ADAD1: variants seen among roughly 807,000 people sequenced by gnomAD.
ADAD1 encodes the protein adenosine deaminase domain containing 1, also known as adenosine deaminase domain-containing protein 1.
Under a neutral mutation model 66.8 loss-of-function variants are expected in ADAD1, and 46 were observed. The observed-to-expected ratio is 0.69, with a 90% CI of 0.54 to 0.88. The LOEUF (loss-of-function observed/expected upper bound fraction) is 0.88. ADAD1 is among the 40% of genes least tolerant of loss of function. ADAD1 has a pLI of 0.00. For synonymous variants in ADAD1, 248 were observed against 229.4 expected (o/e 1.08, Z -0.73); for missense variants, 617 against 681.8 (o/e 0.91, Z 1.06).
chr4:122,420,959 T>G (rs55896948), intron 11 of ADAD1, among the ~76,000 whole-genome samples: 45,935 of 152,096 alleles, frequency 0.3, 7,813 homozygotes, highest in East Asian at 0.48. Context: ...AGTGAATCCC[T>G]CATAGAACTG....
chr4:122,429,760 A>T lies in ADAD1; in HGVS notation c.*21A>T. On this transcript the variant is annotated 3_prime_UTR_variant, in exon 13 of 13. Transcript: ENST00000296513. ...TGTGAAATAGGCAATCCATTATCAC[A>T]TTAAAAATCTTGTTTTGTTTGGTGT... is the stretch of plus-strand genomic sequence containing the variant. 2 of 1,506,180 alleles carry T rather than the reference A, an allele frequency of 1.3e-6. No homozygotes were observed. Among genetic ancestry groups the T allele is most frequent in the Non-Finnish European group, 1.8e-6 (2 of 1,091,814 alleles). The allele number at this position is 1,506,180 out of a possible 1,614,324, so 93.3% of individuals were successfully genotyped here. A position where few individuals can be genotyped will look rare whatever the true frequency, so the allele number is the denominator to read the frequency against.
chr4:122,423,723 A>G (rs1476817474), intron 12 of ADAD1, among the ~76,000 whole-genome samples: 3 of 151,964 alleles, frequency 2.0e-5, no homozygotes, highest in South Asian at 4.1e-4. Flanking sequence ...TTGAGAGCCC[A>G]GATACAATAA....
chr4:122,422,956 TAAAA>T (rs537676034), intron 12 of ADAD1, among the ~76,000 whole-genome samples: 2 of 97,198 alleles, frequency 2.1e-5, no homozygotes, highest in Non-Finnish European at 2.0e-5. Context: ...TATTTCTCTT[TAAAA>T]AAAAAAAAAA....
In ADAD1 at chr4:122,412,686, G is replaced by GGT; in HGVS notation, c.1129_1130dup (p.Asn378LeufsTer4). On this transcript the variant is annotated frameshift_variant, in exon 10 of 13. Transcript: ENST00000296513. LOFTEE classifies it high-confidence loss of function. ...TCTGACTGTTTACTGTCCTAAAGAT[G>GGT]GTGTTAATAGAATAAGCAGTATGTC... The GGT allele has an allele frequency of 6.2e-7, 1 of 1,613,878 alleles. No individual in the cohort carries two copies. Among genetic ancestry groups the GGT allele is most frequent in the Non-Finnish European group, 8.5e-7 (1 of 1,179,832 alleles).
intron 6 of ADAD1, 124 bp from the exon 7 acceptor site, chr4:122,396,128 T>C (rs950526952): frequency 2.5e-6 from 2 of 786,440 alleles, no homozygotes. Context: ...ACCTAAATTA[T>C]AAATTTGCTT....
At chr4:122,397,380 A>G (rs1795766335) in intron 7 of ADAD1, among the ~76,000 whole-genome samples, 1 of 152,194 alleles carries the variant, frequency 6.6e-6, no homozygotes, top group Admixed American at 6.5e-5. Flanking sequence ...CAAATTATAT[A>G]CTTAACGTCT....
At chr4:122,405,631 T>C (rs1479984701) in intron 7 of ADAD1, among the ~76,000 whole-genome samples, 1 of 152,180 alleles carries the variant, frequency 6.6e-6, no homozygotes, top group Non-Finnish European at 1.5e-5. Context: ...ATTTCAAATA[T>C]ACAATACATT....
intron 7 of ADAD1, among the ~76,000 whole-genome samples, chr4:122,407,151 G>A (rs1796250885): frequency 6.6e-6 from 1 of 152,110 alleles, no homozygotes; most frequent in Admixed American, 6.5e-5. Context: ...AGGCGGTTGT[G>A]AATGTAGAAC....
chr4:122,389,963 TATA>T (rs1795357384), intron 5 of ADAD1, among the ~76,000 whole-genome samples: 1 of 152,224 alleles, frequency 6.6e-6, no homozygotes, highest in Admixed American at 6.5e-5. Flanking sequence ...CATTGGTCTT[TATA>T]TTTTGGTGTG....
At chr4:122,423,556 A>T (rs556634720) in intron 12 of ADAD1, among the ~76,000 whole-genome samples, 14 of 152,320 alleles carry the variant, frequency 9.2e-5, no homozygotes, top group African/African-American at 3.4e-4. Flanking sequence ...TAATGTGTTG[A>T]TTTCTTATTA....
intron 12 of ADAD1, among the ~76,000 whole-genome samples, chr4:122,428,383 A>G (rs1797351913): frequency 6.6e-6 from 1 of 152,202 alleles, no homozygotes; most frequent in Non-Finnish European, 1.5e-5. Flanking sequence ...CACTTTGGAA[A>G]ACAGTTTGGC....
Position 122,380,174 on chromosome 4 carries a change from A to G in ADAD1, c.105A>G (p.Thr35=), listed in dbSNP as rs1263716328. ...AACCAGCGACAAAGACGATAACTAC[A>G]CCCACAGGATGGTCCTCAGAAAGTT... is the stretch of plus-strand genomic sequence containing the variant. ...PVQPATKTIT[T]PTGWSSESYG... The change falls in exon 3 of 13, where the codon ACA becomes ACG. Residue 35 remains threonine, a synonymous_variant. Coordinates refer to ENST00000296513, the MANE Select transcript of ADAD1 (RefSeq NM_139243.4). The G allele has an allele frequency of 6.2e-7, 1 of 1,614,140 alleles. No homozygotes were observed.
chr4:122,411,339 T>A lies in ADAD1; in HGVS notation c.966T>A (p.Ile322=). The change falls in exon 9 of 13, where the codon ATT becomes ATA. Residue 322 remains isoleucine, a synonymous_variant. Coordinates refer to ENST00000296513, the MANE Select transcript of ADAD1 (RefSeq NM_139243.4). ...NLLTLKQNIN[I]CLYMNQLPKG... ...TCACTCTTAAACAGAATATCAACAT[T>A]TGCCTTTACATGAACCAGTTGCCTA... 6.2e-7 allele frequency: 1 copy of A among 1,613,382 alleles called. No homozygotes were observed. Among genetic ancestry groups the A allele is most frequent in the Non-Finnish European group, 8.5e-7 (1 of 1,179,692 alleles).
At chr4:122,389,926 G>A (rs1795355270) in intron 5 of ADAD1, among the ~76,000 whole-genome samples, 1 of 152,142 alleles carries the variant, frequency 6.6e-6, no homozygotes, top group African/African-American at 2.4e-5. Context: ...TTGCACACTA[G>A]TTGATGCACT....
intron 5 of ADAD1, among the ~76,000 whole-genome samples, chr4:122,390,964 T>C (rs1795405407): frequency 6.6e-6 from 1 of 152,206 alleles, no homozygotes; most frequent in South Asian, 2.1e-4. Flanking sequence ...TCAGTATTTT[T>C]TCATTGATTC....
intron 11 of ADAD1, among the ~76,000 whole-genome samples, chr4:122,419,116 A>G (rs986265683): frequency 1.3e-5 from 2 of 152,206 alleles, no homozygotes; most frequent in Admixed American, 6.5e-5. Context: ...TAGCAAAGAC[A>G]TGGAATCATT....
Position 122,411,366 on chromosome 4 carries a change from A to C in ADAD1, c.993A>C (p.Lys331Asn), listed in dbSNP as rs1008090284. Residue 331 changes from lysine (K) to asparagine (N), a missense_variant, in exon 9 of 13, where the codon AAA becomes AAC. Lys to Asn is a moderately conservative substitution (Grantham distance 94). Transcript: ENST00000296513. ...GCCTTTACATGAACCAGTTGCCTAA[A>C]GGATCAGCCCAGATTAAGTCACAGT... The part of the protein sequence containing the change: ...NICLYMNQLP[K>N]GSAQIKSQLR... 6 of 1,612,988 alleles carry C rather than the reference A, an allele frequency of 3.7e-6. No homozygotes were observed. Among genetic ancestry groups the C allele is most frequent in the Non-Finnish European group, 4.2e-6 (5 of 1,179,628 alleles).
At chr4:122,379,891 GAA>G (rs921530060) in intron 2 of ADAD1, among the ~76,000 whole-genome samples, 169 bp from the exon 3 acceptor site, 30 of 152,034 alleles carry the variant, frequency 2.0e-4, no homozygotes, top group Non-Finnish European at 4.0e-4. Context: ...CCGTGTCTAT[GAA>G]AACTCAAAAA....
In ADAD1 at chr4:122,428,957, T is replaced by C. The variant is rs1797385330; in HGVS notation, c.1618-669T>C. Among the ~76,000 whole-genome samples, 3 of 152,298 alleles carry C rather than the reference T, an allele frequency of 2.0e-5. No homozygotes were observed. In the South Asian group the frequency reaches 6.2e-4, roughly 32 times the overall value. On this transcript the variant is annotated intron_variant, in intron 12 of 12. Transcript: ENST00000296513. ...AAAAGTTCATTTATATTTTCATTTA[T>C]AAAAAATGAAAATTCGCCAAAATAT...
Sources: allele counts gnomAD v4.1 joint callset (sites outside exome capture counted in the v4.1 genomes callset), GRCh38; gene constraint gnomAD v4.1.1; transcripts MANE v1.5; gene names NCBI Gene and HGNC (gene_info 2026-07-23, HGNC 2026-07-21).